YY1: variants seen among roughly 807,000 people sequenced by gnomAD.
The protein encoded by YY1 is YY1 transcription factor.
A neutral mutation model predicts 35.6 loss-of-function variants in YY1; 2 were observed. The observed-to-expected ratio is 0.06, with a 90% CI of 0.02 to 0.18. The LOEUF (loss-of-function observed/expected upper bound fraction) is 0.18. Among genes scored for constraint, YY1 ranks in the 10% least tolerant of loss-of-function variants. The pLI, the probability that YY1 is intolerant of heterozygous loss-of-function variation, is 1.00. For missense variants in YY1, 322 were observed against 573.4 expected, an observed-to-expected ratio of 0.56 and a Z score of 4.48; for synonymous variants, 268 against 238.9, an observed-to-expected ratio of 1.12 and a Z score of -1.12.
At chr14:100,248,121 C>CTT (rs10694000) in intron 1 of YY1, among the ~76,000 whole-genome samples, 30,970 of 117,276 alleles carry the variant, frequency 0.26, 4,696 homozygotes, top group Middle Eastern at 0.4. Flanking sequence ...ATTTTTTTTT[C>CTT]TTTTTTTTTT....
chr14:100,240,917 T>G (rs1890729287), intron 1 of YY1, among the ~76,000 whole-genome samples: 1 of 152,218 alleles, frequency 6.6e-6, no homozygotes, highest in South Asian at 2.1e-4. Flanking sequence ...TGGTTTTTAC[T>G]TTGTAGAAAG....
intron 1 of YY1, among the ~76,000 whole-genome samples, chr14:100,242,105 C>T (rs1734184639): frequency 6.6e-6 from 1 of 151,694 alleles, no homozygotes; most frequent in African/African-American, 2.4e-5. Flanking sequence ...ACATTAACCA[C>T]AAAAGTAAAT....
intron 2 of YY1, chr14:100,265,461 T>C (rs1466161737): frequency 6.6e-6 from 1 of 152,216 alleles, no homozygotes; most frequent in East Asian, 1.9e-4. Flanking sequence ...GTGTGCTCAG[T>C]TGGGGGCAGG....
At chr14:100,254,152 CAAAG>C (rs1350659072) in intron 1 of YY1, among the ~76,000 whole-genome samples, 11 of 151,968 alleles carry the variant, frequency 7.2e-5, no homozygotes, top group Non-Finnish European at 8.8e-5. Context: ...TTTTTTTGAA[CAAAG>C]AAAGAAACAT....
chr14:100,265,633 C>T (rs1891142302), intron 2 of YY1, among the ~76,000 whole-genome samples: 1 of 148,604 alleles, frequency 6.7e-6, no homozygotes, highest in South Asian at 2.1e-4. Context: ...GAGCCCCAAA[C>T]CAGAACACTG....
chr14:100,244,320 C>CTTTTTT (rs869125410), intron 1 of YY1, among the ~76,000 whole-genome samples: 9 of 89,692 alleles, frequency 1.0e-4, no homozygotes, highest in African/African-American at 3.2e-4. Context: ...TCCTTTTTTA[C>CTTTTTT]TTTTTTTTTT....
At chr14:100,269,457 ACT>A (rs1891202459) in intron 2 of YY1, among the ~76,000 whole-genome samples, 1 of 151,668 alleles carries the variant, frequency 6.6e-6, no homozygotes, top group Non-Finnish European at 1.5e-5. Context: ...GTTCAAAAGG[ACT>A]CTCTGGGTTC....
chr14:100,245,545 A>G (rs1342790658), intron 1 of YY1, among the ~76,000 whole-genome samples: 1 of 152,104 alleles, frequency 6.6e-6, no homozygotes, highest in Non-Finnish European at 1.5e-5. Context: ...ATTGGGGCAC[A>G]GTACTATATA....
At chr14:100,240,368 G>T (rs544007548) in intron 1 of YY1, among the ~76,000 whole-genome samples, 1 of 149,634 alleles carries the variant, frequency 6.7e-6, no homozygotes, top group East Asian at 2.0e-4. Flanking sequence ...GCCAGGGATT[G>T]CTGCCTCCGG....
chr14:100,251,999 C>A (rs1890932016), intron 1 of YY1, among the ~76,000 whole-genome samples: 1 of 152,140 alleles, frequency 6.6e-6, no homozygotes. Flanking sequence ...TGAATGGCTT[C>A]TTGAAAGGAA....
intron 2 of YY1, among the ~76,000 whole-genome samples, chr14:100,271,107 C>G (rs946342386): frequency 6.6e-6 from 1 of 152,068 alleles, no homozygotes; most frequent in African/African-American, 2.4e-5. Context: ...ATTAGCCGGG[C>G]ATAGTGGCGG....
rs1027781823 is a variant in YY1, at chr14:100,276,414, G to A, written c.904-76G>A. 67 of 1,607,510 alleles carry A rather than the reference G, an allele frequency of 4.2e-5. No homozygotes were observed. In the Middle Eastern group the frequency reaches 8.2e-4, roughly 20 times the overall value. On this transcript the variant is annotated intron_variant, in intron 3 of 4. Coordinates refer to ENST00000262238, the MANE Select transcript of YY1 (RefSeq NM_003403.5). This position sits in a 1 kb window ranked among gnomAD's most constrained non-coding sequence, Gnocchi z 4.1. ...GAGGTGGTTTTGTTTTAATATGTCAGTAAAGGCTGTTAAATGGTTGAATCC... is the reference window on the plus strand; with the variant it reads ...GAGGTGGTTTTGTTTTAATATGTCAATAAAGGCTGTTAAATGGTTGAATCC...
chr14:100,271,047 C>T (rs1237447011), intron 2 of YY1, among the ~76,000 whole-genome samples: 1 of 151,918 alleles, frequency 6.6e-6, no homozygotes, highest in Non-Finnish European at 1.5e-5. Flanking sequence ...AGATCGAGAC[C>T]ATCCTGGCTA....
intron 1 of YY1, among the ~76,000 whole-genome samples, chr14:100,249,782 GT>G (rs1329848977): frequency 1.6e-5 from 2 of 127,330 alleles, no homozygotes; most frequent in Admixed American, 7.7e-5. Flanking sequence ...TTTTGTTTTT[GT>G]TTTTTTTTGA....
chr14:100,241,980 G>A (rs1007577796), intron 1 of YY1, among the ~76,000 whole-genome samples: 4 of 26,422 alleles, frequency 1.5e-4, no homozygotes, highest in Non-Finnish European at 2.3e-4. Flanking sequence ...GTCTCAAAAG[G>A]GGGGGGGGGG....
At position 100,239,203 on chromosome 14, in the gene YY1, G is replaced by A. The variant is rs1890682445; in HGVS notation, c.-42G>A. ...TCCTCGCCCGCCCGCCCGCAGCCGA[G>A]GAGCCGAGGCCGCCGCGGCCGTGGC... On this transcript the variant is annotated 5_prime_UTR_variant, in exon 1 of 5. Coordinates refer to ENST00000262238, the MANE Select transcript of YY1 (RefSeq NM_003403.5). 1.4e-6 allele frequency: 2 copies of A among 1,417,008 alleles called. No individual in the cohort carries two copies. Among genetic ancestry groups the A allele is most frequent in the Non-Finnish European group, 9.2e-7 (1 of 1,092,562 alleles). 87.8% of individuals were successfully genotyped at this position (1,417,008 alleles called of 1,614,324 possible).
In YY1 at chr14:100,239,835, C is replaced by T. The variant is rs541775580; in HGVS notation, c.591C>T (p.Gly197=). ...GGGCCGGCGCGGCGGGCGGCGGCGG[C>T]GCCGACCCGGGCAACAAGAAGTGGG... ...SGGAGAAGGG[G]ADPGNKKWEQ... is the part of the protein sequence containing the mutation. The change falls in exon 1 of 5, where the codon GGC becomes GGT. Residue 197 remains glycine (G), a synonymous_variant. Transcript: ENST00000262238. The T allele has an allele frequency of 6.9e-5, 102 of 1,485,784 alleles. No homozygotes were observed. In the African/African-American group the frequency reaches 1.3e-3, roughly 20 times the overall value. The allele number at this position is 1,485,784 out of a possible 1,614,324, so 92.0% of individuals were successfully genotyped here.
In YY1 at chr14:100,239,388, C is replaced by G. The variant is rs1478451548; in HGVS notation, c.144C>G (p.Asp48Glu). 1.3e-5 allele frequency: 21 copies of G among 1,596,780 alleles called. No individual in the cohort carries two copies. The Admixed American group carries it at 2.2e-4, about 17-fold the overall frequency. ...TTVVGEEEEE[D>E]DDDEDGGGGD... The stretch of plus-strand genomic sequence containing the variant: ...TGGTGGGCGAGGAGGAGGAGGAGGA[C>G]GACGACGACGAGGACGGCGGCGGTG... Residue 48 changes from aspartate (D) to glutamate (E), a missense_variant, in exon 1 of 5, where the codon GAC becomes GAG. Asp to Glu is a conservative substitution (Grantham distance 45). Around this residue, in one of 4 missense-constraint regions of YY1, gnomAD observed 137 missense variants for 167.0 expected, o/e 0.82. Transcript: ENST00000262238.
At chr14:100,248,121 C>CTTTTTTTCT (rs1890861797) in intron 1 of YY1, among the ~76,000 whole-genome samples, 1 of 117,630 alleles carries the variant, frequency 8.5e-6, no homozygotes, top group South Asian at 2.8e-4. Flanking sequence ...ATTTTTTTTT[C>CTTTTTTTCT]TTTTTTTTTT....
Sources: gnomAD v4.1 joint callset for allele counts (sites outside exome capture counted in the v4.1 genomes callset) on GRCh38, gnomAD v4.1.1 for gene constraint, gnomAD v4.1.1 regional missense constraint, Gnocchi (gnomAD v3.1) non-coding constraint, MANE v1.5 for transcripts, NCBI Gene and HGNC (gene_info 2026-07-23, HGNC 2026-07-21) for gene names.